The following UBE3B variants were observed in gnomAD, a reference collection of about 807,000 sequenced individuals.
The protein encoded by UBE3B is ubiquitin protein ligase E3B.
A neutral mutation model predicts 132.3 loss-of-function variants in UBE3B; 80 were observed. The observed-to-expected ratio is 0.60, with a 90% CI of 0.50 to 0.73. The LOEUF (loss-of-function observed/expected upper bound fraction) is 0.73, where lower values mean the gene tolerates loss of function less well. Ranked by LOEUF, UBE3B falls within the 30% of genes least tolerant of loss-of-function variation. The pLI is 0.00. For missense variants in UBE3B, 1,196 were observed against 1,362.5 expected (o/e 0.88, Z 1.92); for synonymous variants, 487 against 520.4 (o/e 0.94, Z 0.87).
intron 2 of UBE3B, among the ~76,000 whole-genome samples, chr12:109,482,007 A>C (rs1299760041): frequency 6.6e-6 from 1 of 152,136 alleles, no homozygotes; most frequent in Non-Finnish European, 1.5e-5. Flanking sequence ...GTCCCTTGAT[A>C]TGTTCATGTG....
chr12:109,490,483 T>C, intron 8 of UBE3B: 1 of 1,535,640 alleles, frequency 6.5e-7, no homozygotes, highest in Non-Finnish European at 8.7e-7. Flanking sequence ...CCCTTCCTTC[T>C]CCCTAGTGCT....
At position 109,499,656 on chromosome 12, in the gene UBE3B, C is replaced by A. The variant is rs1379780518; in HGVS notation, c.964C>A (p.Leu322Ile). ...AGGCAACCTCCTACACTTGGGCTCC[C>A]TCAGCCCCAGAGTGTTAGAGGAGGA... ...LMGNLLHLGS[L>I]SPRVLEEETD... The change falls in exon 12 of 28, where the codon CTC (leucine) becomes ATC (isoleucine). Residue 322 changes from leucine to isoleucine, a missense_variant. Coordinates refer to ENST00000342494, the MANE Select transcript of UBE3B (RefSeq NM_130466.4). The A allele has an allele frequency of 1.9e-6, 3 of 1,603,244 alleles. No individual in the cohort carries two copies. Among genetic ancestry groups the A allele is most frequent in the Non-Finnish European group, 2.6e-6 (3 of 1,174,400 alleles).
intron 4 of UBE3B, 56 bp downstream of exon 4, chr12:109,484,037 T>C: frequency 1.3e-6 from 2 of 1,532,042 alleles, no homozygotes; most frequent in Non-Finnish European, 1.8e-6. Flanking sequence ...TCTTTTATAA[T>C]TATTGATATT....
Position 109,534,571 on chromosome 12 carries a change from G to A in UBE3B, c.3016-20G>A. 1 of 1,589,752 alleles carries A rather than the reference G, an allele frequency of 6.3e-7. No individual in the cohort carries two copies. Among genetic ancestry groups the A allele is most frequent in the Non-Finnish European group, 8.6e-7 (1 of 1,167,680 alleles). On this transcript the variant is annotated intron_variant, in intron 27 of 27. Coordinates refer to ENST00000342494, the MANE Select transcript of UBE3B (RefSeq NM_130466.4). The surrounding 1 kb of genome is among the most constrained non-coding windows in gnomAD (Gnocchi z 5.2). Reference sequence around the variant, plus strand: ...CAAACTAGGCCCTTCCCAATTCAAGGCCACGATGTGTGCCTTCAGGACACC... The same window carrying A: ...CAAACTAGGCCCTTCCCAATTCAAGACCACGATGTGTGCCTTCAGGACACC...
At position 109,534,670 on chromosome 12, in the gene UBE3B, C is replaced by A. The variant is rs1302298657; in HGVS notation, c.3095C>A (p.Thr1032Asn). 3 of 1,611,324 alleles carry A rather than the reference C, an allele frequency of 1.9e-6. No individual in the cohort carries two copies. The highest frequency in any genetic ancestry group is 2.2e-5 in the East Asian group (1 of 44,716). ...RKREPGGRLP[T>N]SSTCFNLLKL... is the part of the protein sequence containing the mutation. Reference sequence around the variant, plus strand: ...CGGGAGCCAGGCGGCCGCCTGCCCACCTCCTCCACCTGCTTCAACCTGCTC... The same window carrying A: ...CGGGAGCCAGGCGGCCGCCTGCCCAACTCCTCCACCTGCTTCAACCTGCTC... The change falls in exon 28 of 28, where the codon ACC becomes AAC. Residue 1032 changes from threonine (T) to asparagine (N), a missense_variant. Physicochemically the swap from Thr to Asn is moderately conservative, Grantham distance 65 (BLOSUM62 0). Transcript: ENST00000342494. This position sits in a 1 kb window ranked among gnomAD's most constrained non-coding sequence, Gnocchi z 5.2.
At chr12:109,538,170 G>A (rs554411219), downstream of UBE3B, among the ~76,000 whole-genome samples, 16 of 152,368 alleles carry the variant, frequency 1.1e-4, no homozygotes, top group African/African-American at 2.9e-4. The surrounding 1 kb of genome is among the most constrained non-coding windows in gnomAD (Gnocchi z 4.1). Flanking sequence ...TTTGAGAAGC[G>A]CTGGCCTCCA....
intron 26 of UBE3B, 60 bp from the exon 27 acceptor site, chr12:109,533,406 G>C (rs1165879040): frequency 5.4e-5 from 78 of 1,448,942 alleles, no homozygotes; most frequent in Non-Finnish European, 7.4e-5. Flanking sequence ...CAGCTGCAAG[G>C]GCCCGTCCTG....
chr12:109,486,861 TA>T (rs749755560), intron 6 of UBE3B, among the ~76,000 whole-genome samples: 44 of 152,196 alleles, frequency 2.9e-4, no homozygotes, highest in Non-Finnish European at 4.3e-4. Flanking sequence ...TCTACATTAT[TA>T]TACTAGTCAG....
At chr12:109,533,651 T>G (rs1467576124) in intron 27 of UBE3B, 93 bp downstream of exon 27, 1 of 1,247,092 alleles carries the variant, frequency 8.0e-7, no homozygotes, top group African/African-American at 1.5e-5. Flanking sequence ...CTAGTCCATA[T>G]CTCAGCAAGG....
At chr12:109,511,346 C>T in intron 18 of UBE3B, 43 bp downstream of exon 18, 1 of 1,574,362 alleles carries the variant, frequency 6.4e-7, no homozygotes, top group Non-Finnish European at 8.7e-7. Context: ...TCTTTCTATT[C>T]CCCCACGTGG....
intron 7 of UBE3B, among the ~76,000 whole-genome samples, chr12:109,488,947 A>G (rs189649161): frequency 1.0e-3 from 156 of 152,352 alleles, no homozygotes; most frequent in African/African-American, 3.5e-3. Flanking sequence ...CTTAGCCTCC[A>G]AGTGATTACA....
At chr12:109,524,551 T>C in intron 23 of UBE3B, 48 bp downstream of exon 23, 1 of 1,589,006 alleles carries the variant, frequency 6.3e-7, no homozygotes, top group Non-Finnish European at 8.6e-7. Flanking sequence ...CCCCATGGGC[T>C]CCTGAGACCT....
At chr12:109,489,021 A>C (rs1307986840) in intron 7 of UBE3B, among the ~76,000 whole-genome samples, 1 of 152,224 alleles carries the variant, frequency 6.6e-6, no homozygotes, top group Non-Finnish European at 1.5e-5. Flanking sequence ...TATTTTGCCC[A>C]TAAAATTTGC....
chr12:109,537,434 G>A (rs1479287545), downstream of UBE3B, among the ~76,000 whole-genome samples: 1 of 152,142 alleles, frequency 6.6e-6, no homozygotes, highest in African/African-American at 2.4e-5. Context: ...CTGCTCCCCT[G>A]GCCTGGGAAG....
At chr12:109,499,611 A>C (rs908751838) in intron 11 of UBE3B, 22 bp from the exon 12 acceptor site, 2 of 1,565,186 alleles carry the variant, frequency 1.3e-6, no homozygotes, top group African/African-American at 1.4e-5. Flanking sequence ...GGCCCATCAC[A>C]CTCAGCCTTC....
rs755684157 is a variant in UBE3B, at chr12:109,509,744, G to C, written c.1741+30G>C. On this transcript the variant is annotated intron_variant, in intron 16 of 27. Coordinates refer to ENST00000342494, the MANE Select transcript of UBE3B (RefSeq NM_130466.4). ...GAGAAAAGGTGTCTGCTGTTGTTTG[G>C]TTGATGCTGCACCCAGGGAGGCCGA... 6.3e-5 allele frequency: 93 copies of C among 1,482,790 alleles called. No individual in the cohort carries two copies. In the Middle Eastern group the frequency reaches 6.9e-4, roughly 11 times the overall value. The allele number at this position is 1,482,790 out of a possible 1,614,324, so 91.9% of individuals were successfully genotyped here.
At position 109,535,968 on chromosome 12, in the gene UBE3B, C is replaced by G; in HGVS notation, c.*1186C>G. 1 of 152,316 alleles carries G rather than the reference C, an allele frequency of 6.6e-6. No individual in the cohort carries two copies. The highest frequency in any genetic ancestry group is 2.4e-5 in the African/African-American group (1 of 41,444). 9.4% of individuals were successfully genotyped at this position (152,316 alleles called of 1,614,324 possible). ...CACCCACCCTCTCCCACCTCATGCT[C>G]CTGCACCTGCACCACCAAGGTTGAT... On this transcript the variant is annotated 3_prime_UTR_variant, in exon 28 of 28. Coordinates refer to ENST00000342494, the MANE Select transcript of UBE3B (RefSeq NM_130466.4).
rs561500228 is a variant in UBE3B at position 109,521,171 on chromosome 12, G to A, written c.2100G>A (p.Gln700=). ...MLEDGYEQLR[Q]LSQHAMKGVI... ...AGGACGGCTACGAGCAGCTTAGGCAGCTCTCCCAGCACGCCATGAAGGGGG... is the reference window on the plus strand; with the variant it reads ...AGGACGGCTACGAGCAGCTTAGGCAACTCTCCCAGCACGCCATGAAGGGGG... Residue 700 remains glutamine (Q), a synonymous_variant, in exon 20 of 28, where the codon CAG becomes CAA. Coordinates refer to ENST00000342494, the MANE Select transcript of UBE3B (RefSeq NM_130466.4). The surrounding 1 kb of genome is among the most constrained non-coding windows in gnomAD (Gnocchi z 4.2). 38 of 1,614,204 alleles carry A rather than the reference G, an allele frequency of 2.4e-5. No individual in the cohort carries two copies. The South Asian group carries it at 3.5e-4, about 15-fold the overall frequency.
intron 5 of UBE3B, 74 bp from the exon 6 acceptor site, chr12:109,486,397 A>G (rs1876427747): frequency 8.9e-6 from 11 of 1,241,838 alleles, no homozygotes; most frequent in African/African-American, 7.6e-5. Flanking sequence ...TAATAGGTCC[A>G]GTTCCAACAG....
Sources: allele counts gnomAD v4.1 joint callset (sites outside exome capture counted in the v4.1 genomes callset), GRCh38; gene constraint gnomAD v4.1.1; non-coding constraint Gnocchi (gnomAD v3.1); transcripts MANE v1.5; gene names NCBI Gene and HGNC (gene_info 2026-07-23, HGNC 2026-07-21).